The following GNAL variants were observed in gnomAD, a reference collection of about 807,000 sequenced individuals.
GNAL encodes G protein subunit alpha L, also known as guanine nucleotide-binding protein G(olf) subunit alpha.
A neutral mutation model predicts 55.1 loss-of-function variants in GNAL; 18 were observed. The ratio of observed to expected loss-of-function variants is 0.33; its 90% CI spans 0.23 to 0.48. GNAL has a LOEUF of 0.48. GNAL is among the 20% of genes least tolerant of loss of function. The pLI, the probability that GNAL is intolerant of heterozygous loss-of-function variation, is 0.99. For missense variants in GNAL, 412 were observed against 614.1 expected (o/e 0.67, Z 3.48); for synonymous variants, 253 against 237.0 (o/e 1.07, Z -0.62).
At chr18:11,757,511 A>G (rs1279252720) in intron 4 of GNAL, among the ~76,000 whole-genome samples, 5 of 152,216 alleles carry the variant, frequency 3.3e-5, no homozygotes, top group African/African-American at 4.8e-5. Context: ...GGAGGGGATC[A>G]TGGGGGTGGA....
At chr18:11,695,174 C>T (rs577724791) in intron 1 of GNAL, among the ~76,000 whole-genome samples, 2 of 152,294 alleles carry the variant, frequency 1.3e-5, no homozygotes, top group South Asian at 4.1e-4. Flanking sequence ...AGCTTCATCC[C>T]ACTGTTGCTT....
chr18:11,825,764 G>GAA (rs2035227849), intron 5 of GNAL, among the ~76,000 whole-genome samples: 8 of 142,438 alleles, frequency 5.6e-5, no homozygotes, highest in South Asian at 2.2e-4. Flanking sequence ...AAGGACACTT[G>GAA]GTGCCAGGGC....
intron 5 of GNAL, among the ~76,000 whole-genome samples, chr18:11,845,418 G>A (rs1256654093): frequency 7.8e-6 from 1 of 128,334 alleles, no homozygotes; most frequent in Non-Finnish European, 1.6e-5. Context: ...GTGTGCAGGA[G>A]AGTGCACTTT....
chr18:11,880,964 C>A, intron 11 of GNAL, 25 bp from the exon 12 acceptor site: 1 of 1,609,870 alleles, frequency 6.2e-7, no homozygotes. Context: ...CCGCGCAGGG[C>A]TAGTGCACAC....
intron 4 of GNAL, among the ~76,000 whole-genome samples, chr18:11,802,381 C>A (rs1218048270): frequency 6.6e-6 from 1 of 152,148 alleles, no homozygotes; most frequent in African/African-American, 2.4e-5. Flanking sequence ...CTCATGGTTT[C>A]TTGCTTTTGC....
chr18:11,773,536 T>C (rs901320205), intron 4 of GNAL, among the ~76,000 whole-genome samples: 1 of 151,780 alleles, frequency 6.6e-6, no homozygotes, highest in Non-Finnish European at 1.5e-5. Flanking sequence ...GAGTCCGAGG[T>C]TGGAGGAACG....
intron 4 of GNAL, among the ~76,000 whole-genome samples, chr18:11,782,299 A>T (rs1424314665): frequency 6.6e-6 from 1 of 152,234 alleles, no homozygotes; most frequent in Non-Finnish European, 1.5e-5. Context: ...CCTGGGTGAC[A>T]GAGCTAGACT....
intron 4 of GNAL, among the ~76,000 whole-genome samples, chr18:11,793,138 A>G (rs1288962220): frequency 6.6e-6 from 1 of 152,240 alleles, no homozygotes; most frequent in Non-Finnish European, 1.5e-5. Flanking sequence ...TTGAGCAACA[A>G]AGGAAAAAAA....
intron 4 of GNAL, among the ~76,000 whole-genome samples, chr18:11,812,713 G>A (rs1054334497): frequency 1.2e-4 from 18 of 151,858 alleles, no homozygotes; most frequent in Admixed American, 5.3e-4. Context: ...GTGTGGTGGC[G>A]CATGCCTGTA....
At chr18:11,782,885 T>C (rs764876327) in intron 4 of GNAL, among the ~76,000 whole-genome samples, 1 of 152,210 alleles carries the variant, frequency 6.6e-6, no homozygotes, top group Non-Finnish European at 1.5e-5. Flanking sequence ...TAATGCATGA[T>C]AAAGAGAATC....
chr18:11,721,482 G>A (rs1189570520), intron 1 of GNAL, among the ~76,000 whole-genome samples: 1 of 151,984 alleles, frequency 6.6e-6, no homozygotes, highest in African/African-American at 2.4e-5. Context: ...GGCTGGACAC[G>A]GTGACTCAAA....
At chr18:11,829,213 G>A (rs2035320712) in intron 5 of GNAL, among the ~76,000 whole-genome samples, 1 of 152,184 alleles carries the variant, frequency 6.6e-6, no homozygotes, top group South Asian at 2.1e-4. Flanking sequence ...TCTGAACCCT[G>A]GGCCTGACAG....
intron 5 of GNAL, 54 bp from the exon 6 acceptor site, chr18:11,862,341 C>T: frequency 1.4e-6 from 2 of 1,439,544 alleles, no homozygotes; most frequent in South Asian, 2.3e-5. Context: ...CTCCCCAACC[C>T]CAGGGGAAAG....
At chr18:11,769,355 C>T (rs187809615) in intron 4 of GNAL, among the ~76,000 whole-genome samples, 8 of 151,824 alleles carry the variant, frequency 5.3e-5, no homozygotes, top group East Asian at 1.9e-4. Flanking sequence ...TGTTGCACTT[C>T]GTACAGTAGG....
intron 1 of GNAL, among the ~76,000 whole-genome samples, chr18:11,748,333 TACTC>T (rs1165723048): frequency 6.6e-6 from 1 of 152,336 alleles, no homozygotes; most frequent in Non-Finnish European, 1.5e-5. Flanking sequence ...ATACTCTTCT[TACTC>T]AGCCTCTCAG....
chr18:11,847,542 G>T (rs1166672626), intron 5 of GNAL, among the ~76,000 whole-genome samples: 1 of 152,042 alleles, frequency 6.6e-6, no homozygotes, highest in Non-Finnish European at 1.5e-5. Context: ...TGTGCCAAAT[G>T]ATAGCATATT....
At chr18:11,870,676 G>T (rs1344590378) in intron 9 of GNAL, among the ~76,000 whole-genome samples, 1 of 152,114 alleles carries the variant, frequency 6.6e-6, no homozygotes, top group East Asian at 1.9e-4. Context: ...TGGCAGAAGT[G>T]ATTATTTCAG....
At chr18:11,753,978 T>G in intron 4 of GNAL, 33 bp downstream of exon 4, 1 of 1,522,302 alleles carries the variant, frequency 6.6e-7, no homozygotes, top group South Asian at 1.2e-5. Context: ...TTCTAACTAG[T>G]GAAAGATGGA....
intron 9 of GNAL, among the ~76,000 whole-genome samples, chr18:11,869,620 C>A (rs1284782450): frequency 3.3e-5 from 5 of 151,912 alleles, no homozygotes; most frequent in Non-Finnish European, 7.4e-5. Context: ...AGTACAACAA[C>A]AAAAAATAAT....
Sources: gnomAD v4.1 joint callset for allele counts (sites outside exome capture counted in the v4.1 genomes callset) on GRCh38, gnomAD v4.1.1 for gene constraint, MANE v1.5 for transcripts, NCBI Gene and HGNC (gene_info 2026-07-23, HGNC 2026-07-21) for gene names.